PICALM: variants seen among roughly 807,000 people sequenced by gnomAD.
The protein encoded by PICALM is phosphatidylinositol binding clathrin assembly protein, also known as phosphatidylinositol-binding clathrin assembly protein.
In PICALM, 40 loss-of-function variants were observed where a neutral mutation model predicts 80.5. The observed-to-expected ratio is 0.50, with a 90% confidence interval of 0.39 to 0.65. PICALM has a LOEUF of 0.65. Ranked by LOEUF, PICALM falls within the 30% of genes least tolerant of loss-of-function variation. PICALM has a pLI of 0.00. For missense variants in PICALM, 676 were observed against 778.9 expected (o/e 0.87, Z 1.57); for synonymous variants, 288 against 260.3 (o/e 1.11, Z -1.02).
At chr11:86,027,481 C>A (rs2095667380) in intron 2 of PICALM, among the ~76,000 whole-genome samples, 1 of 151,360 alleles carries the variant, frequency 6.6e-6, no homozygotes, top group South Asian at 2.1e-4. Context: ...GGATGTACAC[C>A]ATCACCTCTG....
In PICALM at chr11:85,958,722, C is replaced by T; in HGVS notation, c.*324G>A. 3.5e-6 allele frequency: 1 copy of T among 283,000 alleles called. No homozygotes were observed. Among genetic ancestry groups the T allele is most frequent in the East Asian group, 5.2e-5 (1 of 19,372 alleles). 17.5% of individuals were successfully genotyped at this position (283,000 alleles called of 1,614,324 possible). On this transcript the variant is annotated 3_prime_UTR_variant, in exon 20 of 20. Transcript: ENST00000393346. ...GCAGCTTTTCCAAATACAAATTTCA[C>T]ACTTTCCAAATAAGGGCTTTTCTTG...
intron 1 of PICALM, among the ~76,000 whole-genome samples, chr11:86,063,400 T>C (rs935270211): frequency 3.3e-5 from 5 of 152,312 alleles, no homozygotes; most frequent in East Asian, 1.9e-4. Flanking sequence ...CAAAGTCTTA[T>C]ACTATTTCTT....
chr11:85,996,516 A>AT (rs1170460282), intron 12 of PICALM, among the ~76,000 whole-genome samples: 1 of 152,034 alleles, frequency 6.6e-6, no homozygotes, highest in African/African-American at 2.4e-5. Context: ...ACCACCATGC[A>AT]TTTTCTGGTT....
chr11:85,966,888 C>A (rs2093919412), intron 19 of PICALM, among the ~76,000 whole-genome samples: 1 of 152,206 alleles, frequency 6.6e-6, no homozygotes, highest in Non-Finnish European at 1.5e-5. Context: ...GAAGGACCCT[C>A]CTCTAGAAAA....
At chr11:86,010,659 C>G (rs141933060) in intron 7 of PICALM, among the ~76,000 whole-genome samples, 1 of 152,242 alleles carries the variant, frequency 6.6e-6, no homozygotes, top group Non-Finnish European at 1.5e-5. Context: ...AGCTGTCTCA[C>G]TGGAAAGAAA....
intron 1 of PICALM, among the ~76,000 whole-genome samples, chr11:86,042,680 G>C (rs934634481): frequency 1.4e-5 from 2 of 142,668 alleles, no homozygotes; most frequent in African/African-American, 2.6e-5. Context: ...AAAAAATCTA[G>C]TACTGGATCA....
chr11:86,030,310 G>C (rs2095727359), intron 2 of PICALM, among the ~76,000 whole-genome samples: 1 of 152,116 alleles, frequency 6.6e-6, no homozygotes, highest in Non-Finnish European at 1.5e-5. Context: ...CTTTAATTTT[G>C]AACTTTAATA....
chr11:85,959,916 T>C (rs1483189131), intron 19 of PICALM, among the ~76,000 whole-genome samples: 5 of 152,052 alleles, frequency 3.3e-5, no homozygotes, highest in African/African-American at 1.2e-4. Context: ...GAATAGCATG[T>C]GGAGGAGGAA....
rs34312370 is a variant in PICALM, at chr11:86,020,424, GAAAAAAAAA to G, written c.452+1934_452+1942del. Among the ~76,000 whole-genome samples, 78 of 94,250 alleles carry G rather than the reference GAAAAAAAAA, an allele frequency of 8.3e-4. 2 individuals are homozygous for G. The South Asian group carries it at 0.023, about 27-fold the overall frequency. The allele number at this position is 94,250 out of a possible 152,430, so 61.8% of individuals were successfully genotyped here. A position where few individuals can be genotyped will look rare whatever the true frequency, so the allele number is the denominator to read the frequency against. On this transcript the variant is annotated intron_variant, in intron 4 of 19. Transcript: ENST00000393346. ...CCCAGAACAGCTAAAACAATCTTGG[GAAAAAAAAA>G]AAAAAAAAAAGAATAGAATTGGAAG...
At chr11:86,008,937 GAAAAAAAAAAAAGCCAAA>G (rs1368294522) in intron 7 of PICALM, among the ~76,000 whole-genome samples, 8 of 56,040 alleles carry the variant, frequency 1.4e-4, no homozygotes, top group Admixed American at 2.1e-4. Flanking sequence ...CCAGAAAAAG[GAAAAAAAAAAAAGCCAAA>G]AAAAAAAAAA....
chr11:86,061,817 T>C (rs535888068), intron 1 of PICALM, among the ~76,000 whole-genome samples: 3 of 152,310 alleles, frequency 2.0e-5, no homozygotes, highest in Non-Finnish European at 4.4e-5. Context: ...TTGATGTTTA[T>C]AGCAGCTTTA....
At chr11:86,035,072 A>C (rs1398122483) in intron 1 of PICALM, among the ~76,000 whole-genome samples, 2 of 152,226 alleles carry the variant, frequency 1.3e-5, no homozygotes, top group Non-Finnish European at 2.9e-5. Flanking sequence ...AAAAACAAAA[A>C]CAATAGAAAA....
In PICALM at chr11:86,068,954, G is replaced by T; in HGVS notation, c.-174C>A. 1 of 783,638 alleles carries T rather than the reference G, an allele frequency of 1.3e-6. No individual in the cohort carries two copies. The highest frequency in any genetic ancestry group is 1.9e-6 in the Non-Finnish European group (1 of 514,936). 48.5% of individuals were successfully genotyped at this position (783,638 alleles called of 1,614,324 possible). On this transcript the variant is annotated 5_prime_UTR_variant, in exon 1 of 20. Coordinates refer to ENST00000393346, the MANE Select transcript of PICALM (RefSeq NM_007166.4). ...CGCTGCCACCAGTCCAGAGAGAACC[G>T]GCTCGTGTCACCCGCGGAGTCGGAC...
upstream of PICALM, chr11:86,069,129 C>T: frequency 3.9e-6 from 1 of 255,800 alleles, no homozygotes; most frequent in Non-Finnish European, 7.6e-6. Flanking sequence ...CCCCGGGTCA[C>T]GTGACTCGGA....
chr11:86,001,280 G>T, intron 9 of PICALM, 122 bp from the exon 10 acceptor site: 1 of 875,440 alleles, frequency 1.1e-6, no homozygotes, highest in Non-Finnish European at 1.8e-6. Context: ...TTAACTTCTG[G>T]ATTCAAATCC....
chr11:86,066,118 C>G (rs1467402702), intron 1 of PICALM, among the ~76,000 whole-genome samples: 1 of 152,072 alleles, frequency 6.6e-6, no homozygotes, highest in Non-Finnish European at 1.5e-5. Context: ...TGTATTAAAG[C>G]CTAAAGTTCA....
chr11:85,958,954 T>C lies in PICALM; in HGVS notation c.*92A>G. 1.1e-6 allele frequency: 1 copy of C among 894,466 alleles called. No homozygotes were observed. The highest frequency in any genetic ancestry group is 1.5e-5 in the South Asian group (1 of 64,916). The allele number at this position is 894,466 out of a possible 1,614,324, so 55.4% of individuals were successfully genotyped here. Reference sequence around the variant, plus strand: ...AATGGAAGAAGAGAGTTTAAGAGATTTAAGAGACAGCAGTTTGGATTTTGC... The same window carrying C: ...AATGGAAGAAGAGAGTTTAAGAGATCTAAGAGACAGCAGTTTGGATTTTGC... On this transcript the variant is annotated 3_prime_UTR_variant, in exon 20 of 20. Transcript: ENST00000393346.
intron 3 of PICALM, among the ~76,000 whole-genome samples, chr11:86,024,148 C>A (rs753803076): frequency 7.2e-5 from 11 of 151,832 alleles, no homozygotes; most frequent in Non-Finnish European, 1.5e-4. Context: ...GCCTCAGCAA[C>A]AGAACCAGAT....
intron 1 of PICALM, among the ~76,000 whole-genome samples, chr11:86,048,996 A>C (rs1377521254): frequency 6.6e-6 from 1 of 152,040 alleles, no homozygotes; most frequent in African/African-American, 2.4e-5. Flanking sequence ...TGACCACGTA[A>C]AGAACAAATC....
Sources: gnomAD v4.1 joint callset for allele counts (sites outside exome capture counted in the v4.1 genomes callset) on GRCh38, gnomAD v4.1.1 for gene constraint, MANE v1.5 for transcripts, NCBI Gene and HGNC (gene_info 2026-07-23, HGNC 2026-07-21) for gene names.